Variants in RNF17 observed in about 807,000 individuals in gnomAD.
The protein encoded by RNF17 is spermatogenesis associated 23.
RNF17 carries 31 observed loss-of-function variants against 200.5 expected under a neutral mutation model. The observed-to-expected ratio is 0.15, with a 90% confidence interval of 0.12 to 0.21. The LOEUF is 0.21. Among genes scored for constraint, RNF17 ranks in the 10% least tolerant of loss-of-function variants. The probability of loss-of-function intolerance (pLI) is 1.00; values close to 1 mark genes in which losing one functional copy is unlikely to be tolerated. For missense variants in RNF17, 1,628 were observed against 1,905.1 expected (o/e 0.85, Z 2.71); for synonymous variants, 606 against 637.8 (o/e 0.95, Z 0.75).
intron 15 of RNF17, among the ~76,000 whole-genome samples, chr13:24,810,562 T>C (rs1886466454): frequency 6.8e-6 from 1 of 147,212 alleles, no homozygotes; most frequent in Non-Finnish European, 1.5e-5. Context: ...GTTTCCTGAA[T>C]ACAGCACACT....
At chr13:24,850,477 T>A in intron 23 of RNF17, 34 bp downstream of exon 23, 1 of 1,256,954 alleles carries the variant, frequency 8.0e-7, no homozygotes, top group Non-Finnish European at 1.2e-6. Context: ...GCTGATGATC[T>A]CATTAATGTT....
chr13:24,781,298 G>A (rs1882332827), intron 5 of RNF17, among the ~76,000 whole-genome samples: 2 of 152,096 alleles, frequency 1.3e-5, no homozygotes, highest in South Asian at 4.2e-4. Flanking sequence ...ACACTCATCA[G>A]TGGATTTTTT....
At chr13:24,779,509 A>G (rs1882059397) in intron 4 of RNF17, among the ~76,000 whole-genome samples, 158 bp from the exon 5 acceptor site, 1 of 152,230 alleles carries the variant, frequency 6.6e-6, no homozygotes, top group Non-Finnish European at 1.5e-5. Flanking sequence ...AGCAGGATTG[A>G]ATGTTATTTT....
chr13:24,771,321 A>ATTTTT (rs750139413), intron 2 of RNF17, among the ~76,000 whole-genome samples: 44 of 72,900 alleles, frequency 6.0e-4, no homozygotes, highest in East Asian at 5.3e-3. Context: ...CACACAGATA[A>ATTTTT]TCTTTTTTTT....
intron 33 of RNF17, among the ~76,000 whole-genome samples, chr13:24,874,842 A>G (rs1431881374): frequency 6.6e-6 from 1 of 152,222 alleles, no homozygotes; most frequent in African/African-American, 2.4e-5. Context: ...CTGTTAAGTA[A>G]TAGGATCACA....
the RNF17 span, chr13:24,751,538 T>C: frequency 2.0e-5 from 3 of 152,176 alleles, no homozygotes; most frequent in Non-Finnish European, 4.4e-5. Flanking sequence ...ACTTTTACCA[T>C]ATTTTTTTTC....
At chr13:24,771,190 C>T (rs1390934759) in intron 2 of RNF17, among the ~76,000 whole-genome samples, 4 of 151,992 alleles carry the variant, frequency 2.6e-5, no homozygotes, top group Non-Finnish European at 5.9e-5. Context: ...TTGCTCTGTT[C>T]CCCCAGACTG....
chr13:24,799,028 T>A (rs2137709941), intron 11 of RNF17, among the ~76,000 whole-genome samples: 1 of 152,328 alleles, frequency 6.6e-6, no homozygotes, highest in Admixed American at 6.5e-5. Flanking sequence ...CAAAGACAGA[T>A]GGTCTTGCTT....
chr13:24,848,441 C>G (rs1203572438), intron 22 of RNF17, among the ~76,000 whole-genome samples: 2 of 152,124 alleles, frequency 1.3e-5, no homozygotes, highest in Non-Finnish European at 2.9e-5. Flanking sequence ...GCAGGCAGAT[C>G]ACTTGAGGTC....
chr13:24,842,992 A>G (rs896680533), intron 19 of RNF17, among the ~76,000 whole-genome samples: 1 of 146,034 alleles, frequency 6.8e-6, no homozygotes, highest in Non-Finnish European at 1.5e-5. Flanking sequence ...GTCTAAAAAA[A>G]AAAAAAGAAA....
intron 18 of RNF17, 53 bp downstream of exon 18, chr13:24,832,031 A>C: frequency 8.1e-7 from 1 of 1,227,708 alleles, no homozygotes; most frequent in Non-Finnish European, 1.1e-6. Flanking sequence ...AAATAATAAT[A>C]TGAATAACAT....
intron 15 of RNF17, among the ~76,000 whole-genome samples, chr13:24,814,232 C>T (rs937841325): frequency 9.9e-5 from 15 of 152,114 alleles, no homozygotes; most frequent in Non-Finnish European, 1.8e-4. Context: ...GTCTTGCTGT[C>T]TCAGGTCTGG....
chr13:24,860,737 T>C (rs1893004310), intron 26 of RNF17, among the ~76,000 whole-genome samples: 1 of 152,086 alleles, frequency 6.6e-6, no homozygotes. Flanking sequence ...AACCCAGTTT[T>C]TTTTCAAAAA....
At chr13:24,763,592 T>C (rs1879084088), upstream of RNF17, among the ~76,000 whole-genome samples, 1 of 152,130 alleles carries the variant, frequency 6.6e-6, no homozygotes, top group African/African-American at 2.4e-5. Context: ...ACTGGGTTTT[T>C]TTAAGGAGTT....
chr13:24,764,191 GAA>G lies in RNF17; in HGVS notation c.-11_-10del. The G allele has an allele frequency of 6.3e-7, 1 of 1,579,082 alleles. No individual in the cohort carries two copies. The highest frequency in any genetic ancestry group is 1.7e-5 in the Admixed American group (1 of 58,602). ...CTCGCACTCGGCGGTTGTTCCAGAA[GAA>G]AGAGACAGCGATGGCGGCAGAGGCT... On this transcript the variant is annotated 5_prime_UTR_variant, in exon 1 of 36. Coordinates refer to ENST00000255324, the MANE Select transcript of RNF17 (RefSeq NM_031277.3).
Position 24,789,717 on chromosome 13 carries a change from G to T in RNF17, c.880G>T (p.Glu294Ter). The T allele has an allele frequency of 6.3e-7, 1 of 1,596,574 alleles. No individual in the cohort carries two copies. Among genetic ancestry groups the T allele is most frequent in the South Asian group, 1.1e-5 (1 of 90,578 alleles). Residue 294 changes from glutamate to a stop codon, truncating the protein, a stop_gained, in exon 9 of 36, where the codon GAG (glutamate) becomes TAG (stop). Coordinates refer to ENST00000255324, the MANE Select transcript of RNF17 (RefSeq NM_031277.3). LOFTEE classifies it high-confidence loss of function. ...TTATAGGTTGAGTGTGAATTGCAGT[G>T]AGATCATCTGTATGTTCAACAATAT... ...NPPRLSVNCS[E>*]IICMFNNMGK...
chr13:24,864,811 A>G, intron 28 of RNF17, 62 bp from the exon 29 acceptor site: 2 of 1,190,834 alleles, frequency 1.7e-6, no homozygotes, highest in South Asian at 1.3e-5. Flanking sequence ...ATATTTGCTG[A>G]CTATAAAAAT....
chr13:24,775,342 T>TGA, intron 3 of RNF17, among the ~76,000 whole-genome samples: 1 of 152,308 alleles, frequency 6.6e-6, no homozygotes, highest in African/African-American at 2.4e-5. Flanking sequence ...CTCAGACTCC[T>TGA]GGTCTCAAGC....
intron 2 of RNF17, among the ~76,000 whole-genome samples, chr13:24,768,027 TC>T (rs998617255): frequency 2.6e-5 from 4 of 151,590 alleles, no homozygotes; most frequent in Admixed American, 1.3e-4. Flanking sequence ...CATTTTGAAC[TC>T]CCCCCCTGCC....
Sources: gnomAD v4.1 joint callset for allele counts (sites outside exome capture counted in the v4.1 genomes callset) on GRCh38, gnomAD v4.1.1 for gene constraint, MANE v1.5 for transcripts, NCBI Gene and HGNC (gene_info 2026-07-23, HGNC 2026-07-21) for gene names.